Variants in SGK1 observed in about 807,000 individuals in gnomAD.
SGK1 encodes the protein serine/threonine-protein kinase Sgk1.
SGK1 carries 26 observed loss-of-function variants against 64.2 expected under a neutral mutation model. The ratio of observed to expected loss-of-function variants is 0.40; its 90% CI spans 0.30 to 0.56. The LOEUF is 0.56. Ranked by LOEUF, SGK1 falls within the 20% of genes least tolerant of loss-of-function variation. The probability of loss-of-function intolerance (pLI) is 0.38; values close to 1 mark genes in which losing one functional copy is unlikely to be tolerated. For synonymous variants in SGK1, 265 were observed against 239.7 expected, an observed-to-expected ratio of 1.11 and a Z score of -0.98; for missense variants, 519 against 645.6, an observed-to-expected ratio of 0.80 and a Z score of 2.12.
chr6:134,213,647 A>T (rs1022323542), intron 2 of SGK1, among the ~76,000 whole-genome samples: 5 of 148,148 alleles, frequency 3.4e-5, no homozygotes, highest in Admixed American at 6.8e-5. Flanking sequence ...AATAAATAAT[A>T]AATAAATAAA....
At chr6:134,289,195 T>C (rs917429396) in intron 1 of SGK1, among the ~76,000 whole-genome samples, 5 of 152,350 alleles carry the variant, frequency 3.3e-5, no homozygotes, top group Middle Eastern at 3.4e-3. Context: ...AAAAACTCTG[T>C]CTCCCTTGTC....
intron 3 of SGK1, chr6:134,177,854 T>G: frequency 6.3e-7 from 1 of 1,594,110 alleles, no homozygotes; most frequent in Non-Finnish European, 8.6e-7. Context: ...CTATCCCTGT[T>G]CTGTTATGAA....
chr6:134,270,681 G>C (rs9493878), intron 1 of SGK1, among the ~76,000 whole-genome samples: 20,821 of 147,818 alleles, frequency 0.14, 3,051 homozygotes, highest in African/African-American at 0.27. Flanking sequence ...ATTCTCAGGG[G>C]CCAACCTGTG....
intron 3 of SGK1, among the ~76,000 whole-genome samples, chr6:134,185,328 T>C (rs1048278980): frequency 6.6e-6 from 1 of 152,178 alleles, no homozygotes; most frequent in Non-Finnish European, 1.5e-5. Flanking sequence ...AACCCCCTTC[T>C]ACTTTATATC....
intron 1 of SGK1, among the ~76,000 whole-genome samples, chr6:134,296,708 T>A (rs2114786056): frequency 6.8e-6 from 1 of 147,816 alleles, no homozygotes; most frequent in South Asian, 2.1e-4. Context: ...AATTAGTATT[T>A]ACTAAGAGTT....
intron 1 of SGK1, among the ~76,000 whole-genome samples, chr6:134,275,712 G>C (rs1777008417): frequency 6.6e-6 from 1 of 152,128 alleles, no homozygotes; most frequent in Non-Finnish European, 1.5e-5. Flanking sequence ...AAGTCTCCTA[G>C]GGTCTGGACG....
At chr6:134,262,885 A>G (rs1248467169) in intron 1 of SGK1, among the ~76,000 whole-genome samples, 1 of 150,618 alleles carries the variant, frequency 6.6e-6, no homozygotes, top group Non-Finnish European at 1.5e-5. Context: ...CTACGAAAAA[A>G]ATAACTTTTT....
At chr6:134,222,258 C>T (rs992619599) in intron 2 of SGK1, among the ~76,000 whole-genome samples, 4 of 151,740 alleles carry the variant, frequency 2.6e-5, no homozygotes, top group African/African-American at 4.8e-5. Flanking sequence ...ATTTCAATGC[C>T]GTTTTTTTCT....
At chr6:134,173,896 C>T in intron 5 of SGK1, 109 bp downstream of exon 5, 1 of 744,690 alleles carries the variant, frequency 1.3e-6, no homozygotes, top group Non-Finnish European at 2.3e-6. Flanking sequence ...ATGAAGCATT[C>T]CTGCCTTGAT....
chr6:134,285,196 C>T (rs1348251158), intron 1 of SGK1, among the ~76,000 whole-genome samples: 2 of 152,034 alleles, frequency 1.3e-5, no homozygotes, highest in African/African-American at 4.8e-5. Context: ...CGGTGGCTCA[C>T]GCCTGTAATC....
Position 134,209,707 on chromosome 6 carries a change from C to T in SGK1, c.286-2276G>A, listed in dbSNP as rs144198062. ...GTTTTTCTTTGTTGAGATGGAGTCT[C>T]GCTTTGTTGCCCAGGCTAGAGTGCA... is the stretch of plus-strand genomic sequence containing the variant. On this transcript the variant is annotated intron_variant, in intron 2 of 13. Transcript: ENST00000367858. 8.5e-5 allele frequency among the ~76,000 whole-genome samples: 13 copies of T among 152,206 alleles called. No individual in the cohort carries two copies. In the East Asian group the frequency reaches 2.5e-3, roughly 29 times the overall value.
At chr6:134,207,829 A>G (rs1342359759) in intron 2 of SGK1, among the ~76,000 whole-genome samples, 2 of 152,266 alleles carry the variant, frequency 1.3e-5, no homozygotes, top group African/African-American at 4.8e-5. Flanking sequence ...GAATCTCCAC[A>G]TAACAGAAAT....
At chr6:134,173,764 A>G in intron 5 of SGK1, 198 bp from the exon 6 acceptor site, 1 of 593,216 alleles carries the variant, frequency 1.7e-6, no homozygotes, top group Non-Finnish European at 2.9e-6. Flanking sequence ...TCAGACAGAT[A>G]AAACCTTTTT....
chr6:134,178,502 A>G (rs188820801), intron 3 of SGK1, among the ~76,000 whole-genome samples: 23 of 152,206 alleles, frequency 1.5e-4, no homozygotes, highest in Admixed American at 1.3e-3. Context: ...CTGCTATTCA[A>G]ACTCTTGATC....
chr6:134,281,197 C>T (rs79028882), intron 1 of SGK1, among the ~76,000 whole-genome samples: 1 of 152,230 alleles, frequency 6.6e-6, no homozygotes, highest in Non-Finnish European at 1.5e-5. Flanking sequence ...TCCACCTACC[C>T]GTTCATAGCT....
chr6:134,317,387 C>G lies in SGK1; in HGVS notation c.69+5G>C. ...ACAAAAGAAATAAGCAAAACCTGTC[C>G]TTACCCGCTTCTTAAAAAATTGGAA... is the stretch of plus-strand genomic sequence containing the variant. On this transcript the variant is annotated splice_donor_5th_base_variant and intron_variant, in intron 1 of 13. Coordinates refer to ENST00000367858, the MANE Select transcript of SGK1 (RefSeq NM_001143676.3). The G allele has an allele frequency of 6.4e-7, 1 of 1,573,108 alleles. No individual in the cohort carries two copies. Among genetic ancestry groups the G allele is most frequent in the Non-Finnish European group, 8.8e-7 (1 of 1,142,544 alleles).
intron 1 of SGK1, among the ~76,000 whole-genome samples, chr6:134,298,870 G>A (rs1158271069): frequency 6.6e-6 from 1 of 151,504 alleles, no homozygotes; most frequent in Non-Finnish European, 1.5e-5. Context: ...GCTCAATCTC[G>A]GCTCACTGCA....
intron 1 of SGK1, among the ~76,000 whole-genome samples, chr6:134,302,195 C>A (rs1777468915): frequency 6.6e-6 from 1 of 152,154 alleles, no homozygotes; most frequent in Non-Finnish European, 1.5e-5. Flanking sequence ...GGTCAAAACT[C>A]ATCAATAACT....
At chr6:134,228,249 C>G (rs994619608) in intron 2 of SGK1, among the ~76,000 whole-genome samples, 5 of 152,136 alleles carry the variant, frequency 3.3e-5, no homozygotes, top group Non-Finnish European at 7.3e-5. Context: ...GCCACTGCAC[C>G]TGACCGGAAT....
Sources: allele counts gnomAD v4.1 joint callset (sites outside exome capture counted in the v4.1 genomes callset), GRCh38; gene constraint gnomAD v4.1.1; transcripts MANE v1.5; gene names NCBI Gene and HGNC (gene_info 2026-07-23, HGNC 2026-07-21).